Variants in ARL16 observed in about 807,000 individuals in gnomAD.
ARL16 encodes the protein ADP-ribosylation factor-like protein 16.
In ARL16, 21 loss-of-function variants were observed where a neutral mutation model predicts 14.1. That is an observed-to-expected ratio of 1.48 (90% CI 1.05 to 2.14). ARL16 has a LOEUF of 2.14. Among genes scored for constraint, ARL16 ranks in the 30% most tolerant of loss-of-function variants. The pLI is 0.00. For synonymous variants in ARL16, 122 were observed against 91.8 expected (o/e 1.33, Z -1.88); for missense variants, 248 against 222.0 (o/e 1.12, Z -0.74).
At chr17:81,682,278 C>G in intron 3 of ARL16, 129 bp from the exon 4 acceptor site, 2 of 688,364 alleles carry the variant, frequency 2.9e-6, no homozygotes, top group Non-Finnish European at 4.7e-6. Context: ...GAGACGAAGT[C>G]TCGCTCCGAG....
chr17:81,682,862 G>A (rs764255408), intron 3 of ARL16, 151 bp downstream of exon 3: 4 of 700,304 alleles, frequency 5.7e-6, no homozygotes, highest in South Asian at 1.9e-5. Flanking sequence ...GTGCCCAGCA[G>A]GAAGCAACAC....
At position 81,681,750 on chromosome 17, in the gene ARL16, C is replaced by T. The variant is rs2036848171; in HGVS notation, c.480G>A (p.Gly160=). ...GGGTGGCCTGGAGCCAGGCCAGCAC[C>T]CCTGCTAAGCCAGTGCCTTCACGGG... ...ISAREGTGLA[G]VLAWLQATHR... Residue 160 remains glycine, a synonymous_variant, in exon 5 of 5, where the codon GGG becomes GGA. Transcript: ENST00000622299. 8 of 1,609,166 alleles carry T rather than the reference C, an allele frequency of 5.0e-6. No individual in the cohort carries two copies. The highest frequency in any genetic ancestry group is 6.8e-6 in the Non-Finnish European group (8 of 1,178,338).
rs2036848446 is a variant in ARL16, at chr17:81,681,767, C to T, written c.463G>A (p.Gly155Ser). 2 of 1,610,914 alleles carry T rather than the reference C, an allele frequency of 1.2e-6. No homozygotes were observed. ...ITTAEISARE[G>S]TGLAGVLAWL... ...GCCAGCACCCCTGCTAAGCCAGTGC[C>T]TTCACGGGCGCTGATTTCTGCCGTG... is the stretch of plus-strand genomic sequence containing the variant. The change falls in exon 5 of 5, where the codon GGC (glycine) becomes AGC (serine). Residue 155 changes from glycine to serine, a missense_variant. Physicochemically the swap from Gly to Ser is moderately conservative, Grantham distance 56. Coordinates refer to ENST00000622299, the MANE Select transcript of ARL16 (RefSeq NM_001040025.3).
At chr17:81,682,758 T>A in intron 3 of ARL16, 1 of 535,110 alleles carries the variant, frequency 1.9e-6, no homozygotes, top group East Asian at 3.2e-5. Flanking sequence ...GAGGGCCAAG[T>A]CTGTTCTCTG....
chr17:81,683,673 G>C lies in ARL16; in HGVS notation c.61+20C>G, dbSNP rs774173615. ...CGGGTGCCCCCCGCGCCCCGGTCCC[G>C]TCCCCGCGCGGAAGGATATCCTGCA... On this transcript the variant is annotated intron_variant, in intron 1 of 4. Coordinates refer to ENST00000622299, the MANE Select transcript of ARL16 (RefSeq NM_001040025.3). The C allele has an allele frequency of 4.4e-6, 7 of 1,595,186 alleles. No individual in the cohort carries two copies. The highest frequency in any genetic ancestry group is 6.0e-6 in the Non-Finnish European group (7 of 1,173,052).
rs762321709 is a variant in ARL16 at position 81,683,789 on chromosome 17, C to A, written c.-36G>T. 4 of 1,605,444 alleles carry A rather than the reference C, an allele frequency of 2.5e-6. No homozygotes were observed. The highest frequency in any genetic ancestry group is 2.2e-5 in the East Asian group (1 of 44,874). On this transcript the variant is annotated 5_prime_UTR_variant, in exon 1 of 5. Transcript: ENST00000622299. ...GCTCCACCCGGCACCCGTAGCTCGG[C>A]GCCGCGGCTCAAGGCCCGCCCACCG...
chr17:81,681,937 C>A, intron 4 of ARL16, 58 bp from the exon 5 acceptor site: 1 of 1,569,044 alleles, frequency 6.4e-7, no homozygotes, highest in Non-Finnish European at 8.7e-7. Flanking sequence ...GCCCCGGACC[C>A]CCAGCTGCAC....
In ARL16 at chr17:81,683,143, G is replaced by C. The variant is rs764966320; in HGVS notation, c.121-17C>G. 1.9e-6 allele frequency: 3 copies of C among 1,594,292 alleles called. No individual in the cohort carries two copies. The highest frequency in any genetic ancestry group is 2.6e-6 in the Non-Finnish European group (3 of 1,169,780). ...GGTGCCCACCTATAGGAAAAACCAC[G>C]ATGCAAAAAGAACAATACAACCGCT... On this transcript the variant is annotated splice_polypyrimidine_tract_variant and intron_variant, in intron 2 of 4. Coordinates refer to ENST00000622299, the MANE Select transcript of ARL16 (RefSeq NM_001040025.3).
chr17:81,682,491 C>T (rs1296896885), intron 3 of ARL16: 1 of 186,294 alleles, frequency 5.4e-6, no homozygotes, highest in African/African-American at 2.4e-5. Flanking sequence ...ATTCGCCCAC[C>T]TCAGCTTCCC....
rs8076090 is a variant in ARL16, at chr17:81,681,497, A to G, written c.*211T>C. ...ATTACAGGTGTGAGCCACCATGCCT[A>G]GCCCCTGGGGACACTTTTTTCAGAG... On this transcript the variant is annotated 3_prime_UTR_variant, in exon 5 of 5. Transcript: ENST00000622299. 130,193 of 580,300 alleles carry G rather than the reference A, an allele frequency of 0.22. 15,702 individuals are homozygous for G. The highest frequency in any genetic ancestry group is 0.36 in the African/African-American group (18,637 of 52,010). The allele number at this position is 580,300 out of a possible 1,614,324, so 35.9% of individuals were successfully genotyped here.
At chr17:81,681,953 C>T in intron 4 of ARL16, 74 bp from the exon 5 acceptor site, 1 of 1,558,818 alleles carries the variant, frequency 6.4e-7, no homozygotes, top group South Asian at 1.2e-5. Flanking sequence ...TGCACCACCT[C>T]CCTACCGAGC....
At position 81,683,795 on chromosome 17, in the gene ARL16, G is replaced by A. The variant is rs541395981; in HGVS notation, c.-42C>T. On this transcript the variant is annotated 5_prime_UTR_variant, in exon 1 of 5. Transcript: ENST00000622299. The stretch of plus-strand genomic sequence containing the variant: ...CCCGGCACCCGTAGCTCGGCGCCGC[G>A]GCTCAAGGCCCGCCCACCGGCCACT... 2 of 1,605,168 alleles carry A rather than the reference G, an allele frequency of 1.2e-6. No individual in the cohort carries two copies. Among genetic ancestry groups the A allele is most frequent in the Non-Finnish European group, 1.7e-6 (2 of 1,179,562 alleles).
At position 81,683,760 on chromosome 17, in the gene ARL16, C is replaced by T. The variant is rs938470045; in HGVS notation, c.-7G>A. 6.8e-6 allele frequency: 11 copies of T among 1,607,408 alleles called. No homozygotes were observed. Among genetic ancestry groups the T allele is most frequent in the Non-Finnish European group, 9.3e-6 (11 of 1,179,248 alleles). Reference sequence around the variant, plus strand: ...CCCCCAGCAGGAGACACATTCCGTGCTTCGCTCCACCCGGCACCCGTAGCT... The same window carrying T: ...CCCCCAGCAGGAGACACATTCCGTGTTTCGCTCCACCCGGCACCCGTAGCT... On this transcript the variant is annotated 5_prime_UTR_variant, in exon 1 of 5. Transcript: ENST00000622299.
chr17:81,682,377 G>A (rs780460361), intron 3 of ARL16: 4 of 362,500 alleles, frequency 1.1e-5, no homozygotes, highest in Non-Finnish European at 1.5e-5. Context: ...CAAGTAACTG[G>A]GACTACAGAC....
In ARL16 at chr17:81,681,727, G is replaced by C. The variant is rs763794103; in HGVS notation, c.503C>G (p.Thr168Ser). ...GTGCAGTCAATCGTTGGCTCTGTGG[G>C]TGGCCTGGAGCCAGGCCAGCACCCC... ...LAGVLAWLQA[T>S]HRAND Residue 168 changes from threonine to serine, a missense_variant, in exon 5 of 5, where the codon ACC (threonine) becomes AGC (serine). Transcript: ENST00000622299. 1 of 1,605,964 alleles carries C rather than the reference G, an allele frequency of 6.2e-7. No homozygotes were observed. The highest frequency in any genetic ancestry group is 2.2e-5 in the East Asian group (1 of 44,654).
rs2036845188 is a variant in ARL16 at position 81,681,600 on chromosome 17, G to C, written c.*108C>G. On this transcript the variant is annotated 3_prime_UTR_variant, in exon 5 of 5. Coordinates refer to ENST00000622299, the MANE Select transcript of ARL16 (RefSeq NM_001040025.3). ...TCAGCACAGAGCCCCATCATGTAGG[G>C]TTACTTTGGGTTATTCTGCCCCTGT... 3 of 1,264,354 alleles carry C rather than the reference G, an allele frequency of 2.4e-6. No homozygotes were observed. Among genetic ancestry groups the C allele is most frequent in the Non-Finnish European group, 3.2e-6 (3 of 939,524 alleles). 78.3% of individuals were successfully genotyped at this position (1,264,354 alleles called of 1,614,324 possible).
Position 81,681,639 on chromosome 17 carries a change from T to A in ARL16, c.*69A>T, listed in dbSNP as rs1183513595. The A allele has an allele frequency of 6.8e-7, 1 of 1,464,286 alleles. No homozygotes were observed. Among genetic ancestry groups the A allele is most frequent in the African/African-American group, 1.4e-5 (1 of 70,658 alleles). The allele number at this position is 1,464,286 out of a possible 1,614,324, so 90.7% of individuals were successfully genotyped here. On this transcript the variant is annotated 3_prime_UTR_variant, in exon 5 of 5. Transcript: ENST00000622299. Reference sequence around the variant, plus strand: ...TTCTGCCCCTGTGAGAAGAAACTATTGGCAGCAAAGCCATACTGCCCTCTG... The same window carrying A: ...TTCTGCCCCTGTGAGAAGAAACTATAGGCAGCAAAGCCATACTGCCCTCTG...
chr17:81,683,740 A>T lies in ARL16; in HGVS notation c.14T>A (p.Leu5Gln), dbSNP rs752075005. Reference sequence around the variant, plus strand: ...CGTCTTCCCGACGCCCGTGGCCCCCAGCAGGAGACACATTCCGTGCTTCGC... The same window carrying T: ...CGTCTTCCCGACGCCCGTGGCCCCCTGCAGGAGACACATTCCGTGCTTCGC... MCLL[L>Q]GATGVGKTLL... The change falls in exon 1 of 5, where the codon CTG becomes CAG. Residue 5 changes from leucine to glutamine, a missense_variant. By Grantham distance (113) the Leu-to-Gln change is moderately radical. Coordinates refer to ENST00000622299, the MANE Select transcript of ARL16 (RefSeq NM_001040025.3). 4.4e-6 allele frequency: 7 copies of T among 1,608,120 alleles called. No individual in the cohort carries two copies. The highest frequency in any genetic ancestry group is 2.2e-5 in the East Asian group (1 of 44,790).
intron 1 of ARL16, 32 bp from the exon 2 acceptor site, chr17:81,683,626 A>C (rs1352422898): frequency 3.8e-6 from 6 of 1,596,432 alleles, no homozygotes; most frequent in Non-Finnish European, 3.4e-6. Flanking sequence ...GAGCAGCTAA[A>C]GGGTGAGTCC....
Sources: allele counts gnomAD v4.1 joint callset, GRCh38; gene constraint gnomAD v4.1.1; transcripts MANE v1.5; gene names NCBI Gene and HGNC (gene_info 2026-07-23, HGNC 2026-07-21).